The following MFSD1 variants were observed in gnomAD, a reference collection of about 807,000 sequenced individuals.
The protein encoded by MFSD1 is major facilitator superfamily domain containing 1, also known as lysosomal dipeptide transporter MFSD1.
In MFSD1, 59 loss-of-function variants were observed where a neutral mutation model predicts 67.1. That is an observed-to-expected ratio of 0.88 (90% CI 0.71 to 1.09). MFSD1 has a LOEUF of 1.09. MFSD1 is among the 50% of genes least tolerant of loss of function. The pLI, the probability that MFSD1 is intolerant of heterozygous loss-of-function variation, is 0.00. For synonymous variants in MFSD1, 213 were observed against 200.3 expected (o/e 1.06, Z -0.54); for missense variants, 552 against 566.1 (o/e 0.97, Z 0.25).
At chr3:158,806,345 T>C (rs534473785) in intron 3 of MFSD1, among the ~76,000 whole-genome samples, 11 of 152,322 alleles carry the variant, frequency 7.2e-5, no homozygotes, top group Non-Finnish European at 1.0e-4. Flanking sequence ...ATGACAAGAA[T>C]TGTCTTGGAA....
In MFSD1 at chr3:158,807,852, G is replaced by T. The variant is rs910010644; in HGVS notation, c.440+389G>T. 3.9e-5 allele frequency among the ~76,000 whole-genome samples: 6 copies of T among 152,196 alleles called. No homozygotes were observed. The East Asian group carries it at 1.2e-3, about 29-fold the overall frequency. ...GTGATGCGAGGGTCCTTTCAACCCT[G>T]TCCAAGAGCTTTGCTTGAATGAGCA... On this transcript the variant is annotated intron_variant, in intron 5 of 15. Transcript: ENST00000415822.
At chr3:158,824,453 C>A in intron 13 of MFSD1, 1 of 472,736 alleles carries the variant, frequency 2.1e-6, no homozygotes. Context: ...TCTGTTTTAA[C>A]TATTTACAGT....
intron 6 of MFSD1, among the ~76,000 whole-genome samples, chr3:158,809,708 G>A (rs9845775): frequency 0.01 from 1,551 of 152,248 alleles, 19 homozygotes; most frequent in African/African-American, 0.035. Context: ...CTCACATAGC[G>A]ATGAAACCTC....
intron 14 of MFSD1, among the ~76,000 whole-genome samples, chr3:158,826,373 T>A (rs1730965492): frequency 6.6e-6 from 1 of 152,108 alleles, no homozygotes; most frequent in African/African-American, 2.4e-5. Flanking sequence ...TCTGTGTTAT[T>A]GTCCTACGTT....
chr3:158,818,051 G>A (rs933043319), intron 7 of MFSD1, among the ~76,000 whole-genome samples: 1 of 152,100 alleles, frequency 6.6e-6, no homozygotes, highest in Non-Finnish European at 1.5e-5. Flanking sequence ...GGAAGGGCAC[G>A]AAGCCTTCTG....
chr3:158,817,360 A>G (rs1730421289), intron 7 of MFSD1, among the ~76,000 whole-genome samples: 1 of 152,170 alleles, frequency 6.6e-6, no homozygotes, highest in Non-Finnish European at 1.5e-5. Flanking sequence ...CCATTGTCTC[A>G]GCCCAAAATC....
rs900505968 is a variant in MFSD1 at position 158,811,732 on chromosome 3, G to A, written c.550-2233G>A. Among the ~76,000 whole-genome samples the A allele has an allele frequency of 4.6e-5, 7 of 152,220 alleles. No individual in the cohort carries two copies. In the South Asian group the frequency reaches 1.4e-3, roughly 31 times the overall value. On this transcript the variant is annotated intron_variant, in intron 6 of 15. Coordinates refer to ENST00000415822, the MANE Select transcript of MFSD1 (RefSeq NM_022736.4). The stretch of plus-strand genomic sequence containing the variant: ...CAGACACTGCTGAAGACTGAGAAGT[G>A]TACATGCCTTCAACAATGTTCTCAC...
intron 3 of MFSD1, among the ~76,000 whole-genome samples, chr3:158,805,808 C>T (rs903969416): frequency 6.6e-5 from 10 of 152,174 alleles, no homozygotes; most frequent in Non-Finnish European, 1.5e-4. Flanking sequence ...TTGCAGCTTC[C>T]TGAGCTTCAG....
chr3:158,825,049 A>G (rs766583486), intron 13 of MFSD1: 5 of 152,124 alleles, frequency 3.3e-5, no homozygotes, highest in African/African-American at 7.2e-5. Flanking sequence ...TTTTTTGTCT[A>G]TTTTTGTTGT....
intron 14 of MFSD1, 23 bp downstream of exon 14, chr3:158,826,085 G>T: frequency 6.2e-7 from 1 of 1,609,808 alleles, no homozygotes; most frequent in Non-Finnish European, 8.5e-7. Flanking sequence ...TCTGATATTT[G>T]CTTCTTAAAC....
intron 15 of MFSD1, 80 bp downstream of exon 15, chr3:158,827,417 G>GA: frequency 2.9e-6 from 2 of 686,138 alleles, no homozygotes; most frequent in South Asian, 2.4e-5. Flanking sequence ...TTTGGGCTTT[G>GA]AAGTTTTTTT....
chr3:158,820,268 A>C lies in MFSD1; in HGVS notation c.805A>C (p.Ile269Leu). ...GGACTTCTCCTTACCCCTGTGGCTT[A>C]TATTTATCATCTGTGTCTGCTATTA... is the stretch of plus-strand genomic sequence containing the variant. ...VKDFSLPLWL[I>L]FIICVCYYVA... Residue 269 changes from isoleucine (I) to leucine (L), a missense_variant, in exon 9 of 16, where the codon ATA becomes CTA. Coordinates refer to ENST00000415822, the MANE Select transcript of MFSD1 (RefSeq NM_022736.4). The C allele has an allele frequency of 6.2e-7, 1 of 1,611,782 alleles. No individual in the cohort carries two copies.
intron 12 of MFSD1, 113 bp downstream of exon 12, chr3:158,823,638 A>C (rs955349764): frequency 4.9e-6 from 4 of 822,990 alleles, no homozygotes; most frequent in Non-Finnish European, 2.1e-6. Context: ...GGTAGCGCTG[A>C]ACCTGGAGAT....
Sources: allele counts gnomAD v4.1 joint callset (sites outside exome capture counted in the v4.1 genomes callset), GRCh38; gene constraint gnomAD v4.1.1; transcripts MANE v1.5; gene names NCBI Gene and HGNC (gene_info 2026-07-23, HGNC 2026-07-21).